The following NEURL1B variants were observed in gnomAD, a reference collection of about 807,000 sequenced individuals.
The protein encoded by NEURL1B is E3 ubiquitin-protein ligase NEURL1B.
A neutral mutation model predicts 37.4 loss-of-function variants in NEURL1B; 13 were observed. The ratio of observed to expected loss-of-function variants is 0.35; its 90% CI spans 0.23 to 0.55. The LOEUF is 0.55. NEURL1B is among the 20% of genes least tolerant of loss of function. NEURL1B has a pLI of 0.89. For synonymous variants in NEURL1B, 432 were observed against 426.6 expected, an observed-to-expected ratio of 1.01 and a Z score of -0.16; for missense variants, 790 against 879.2, an observed-to-expected ratio of 0.90 and a Z score of 1.28.
At chr5:172,680,214 C>G (rs886651699) in intron 2 of NEURL1B, among the ~76,000 whole-genome samples, 1 of 152,162 alleles carries the variant, frequency 6.6e-6, no homozygotes, top group Non-Finnish European at 1.5e-5. Flanking sequence ...GTGTTTACCA[C>G]TATCACTCTA....
intron 2 of NEURL1B, among the ~76,000 whole-genome samples, chr5:172,670,759 CCATT>C (rs1388064281): frequency 6.6e-6 from 1 of 152,222 alleles, no homozygotes; most frequent in African/African-American, 2.4e-5. Flanking sequence ...ACTCCTTCAC[CCATT>C]CATTCACACG....
intron 3 of NEURL1B, among the ~76,000 whole-genome samples, chr5:172,684,695 TAGGC>T (rs1758451102): frequency 6.6e-6 from 1 of 152,112 alleles, no homozygotes; most frequent in Admixed American, 6.5e-5. Flanking sequence ...ATGCCACAAA[TAGGC>T]AGGAGCAGCC....
At chr5:172,682,506 G>A (rs1049737662) in intron 2 of NEURL1B, among the ~76,000 whole-genome samples, 1 of 152,204 alleles carries the variant, frequency 6.6e-6, no homozygotes, top group African/African-American at 2.4e-5. Flanking sequence ...AACCCAGGAG[G>A]CAGAGGTTGC....
chr5:172,684,289 A>C (rs1758438608), intron 3 of NEURL1B, among the ~76,000 whole-genome samples, 151 bp downstream of exon 3: 2 of 150,546 alleles, frequency 1.3e-5, no homozygotes. Context: ...GCGCCCGGGC[A>C]CGATCCACCC....
chr5:172,649,974 G>A (rs1757631369), intron 1 of NEURL1B, among the ~76,000 whole-genome samples: 2 of 151,640 alleles, frequency 1.3e-5, no homozygotes, highest in Non-Finnish European at 2.9e-5. Flanking sequence ...GCAAGGGGGG[G>A]AAAGTTCTTT....
Position 172,675,617 on chromosome 5 carries a change from G to A in NEURL1B, c.577+5287G>A, listed in dbSNP as rs371785923. ...AGAGGAAGCTTCTGCCAGGCCATGC[G>A]CTCCCTTCCCTCCCTTCTCCCTGTG... On this transcript the variant is annotated intron_variant, in intron 2 of 4. Transcript: ENST00000369800. This position sits in a 1 kb window ranked among gnomAD's most constrained non-coding sequence, Gnocchi z 4.7. Among the ~76,000 whole-genome samples the A allele has an allele frequency of 1.3e-5, 2 of 151,332 alleles. No homozygotes were observed. The highest frequency in any genetic ancestry group is 1.3e-4 in the Admixed American group (2 of 15,218).
Position 172,686,399 on chromosome 5 carries a change from C to T in NEURL1B, c.1423+103C>T. 1 of 1,221,432 alleles carries T rather than the reference C, an allele frequency of 8.2e-7. No individual in the cohort carries two copies. The allele number at this position is 1,221,432 out of a possible 1,614,324, so 75.7% of individuals were successfully genotyped here. A position where few individuals can be genotyped will look rare whatever the true frequency, so the allele number is the denominator to read the frequency against. ...GGGACTGAGCAGGGTGGCCGCCTTT[C>T]CCCCGCATCCTCTCCTTCCCTCAGC... On this transcript the variant is annotated intron_variant, in intron 4 of 4. Coordinates refer to ENST00000369800, the MANE Select transcript of NEURL1B (RefSeq NM_001142651.3). This position sits in a 1 kb window ranked among gnomAD's most constrained non-coding sequence, Gnocchi z 7.9.
rs570788679 is a variant in NEURL1B at position 172,655,640 on chromosome 5, C to G, written c.32-14145C>G. 3.9e-5 allele frequency among the ~76,000 whole-genome samples: 6 copies of G among 152,284 alleles called. No individual in the cohort carries two copies. In the East Asian group the frequency reaches 9.6e-4, roughly 24 times the overall value. On this transcript the variant is annotated intron_variant, in intron 1 of 4. Coordinates refer to ENST00000369800, the MANE Select transcript of NEURL1B (RefSeq NM_001142651.3). ...GATCACCAAGGAAGTATTTTACCGGCTTCCACGGCTGCTGCTTCCTTGGTC... is the reference window on the plus strand; with the variant it reads ...GATCACCAAGGAAGTATTTTACCGGGTTCCACGGCTGCTGCTTCCTTGGTC...
chr5:172,674,556 C>A (rs1758192078), intron 2 of NEURL1B, among the ~76,000 whole-genome samples: 1 of 152,142 alleles, frequency 6.6e-6, no homozygotes, highest in East Asian at 1.9e-4. Flanking sequence ...TTGACAATCC[C>A]ACTTCCCAGG....
Position 172,683,950 on chromosome 5 carries a change from TG to T in NEURL1B, c.1111del (p.Val371TrpfsTer89). 1 of 1,358,714 alleles carries T rather than the reference TG, an allele frequency of 7.4e-7. No individual in the cohort carries two copies. The highest frequency in any genetic ancestry group is 9.5e-7 in the Non-Finnish European group (1 of 1,050,928). The allele number at this position is 1,358,714 out of a possible 1,614,324, so 84.2% of individuals were successfully genotyped here. ...CTGCTCGACCGCAAAGAGTACTGGG[TG>T]GTGGCGCGCGCCGGGCCCGTGCCGA... is the stretch of plus-strand genomic sequence containing the variant. Reference protein sequence around the residue: ...DALLDRKEYWVVARAGPVPSG... With the variant: ...DALLDRKEYWXVARAGPVPSG... On this transcript the variant is annotated frameshift_variant, in exon 3 of 5. Coordinates refer to ENST00000369800, the MANE Select transcript of NEURL1B (RefSeq NM_001142651.3). LOFTEE classifies it high-confidence loss of function. The surrounding 1 kb of genome is among the most constrained non-coding windows in gnomAD (Gnocchi z 5.6).
chr5:172,656,431 C>A (rs1415215691), intron 1 of NEURL1B: 2 of 965,014 alleles, frequency 2.1e-6, no homozygotes, highest in African/African-American at 3.3e-5. Flanking sequence ...TCCAGCTATA[C>A]GTGGCAAAAG....
rs992666463 is a variant in NEURL1B at position 172,663,291 on chromosome 5, G to A, written c.32-6494G>A. Among the ~76,000 whole-genome samples the A allele has an allele frequency of 2.6e-5, 4 of 152,174 alleles. No homozygotes were observed. The East Asian group carries it at 7.7e-4, about 29-fold the overall frequency. The stretch of plus-strand genomic sequence containing the variant: ...CAATCCCAGCACTTTGGGAGGCTGA[G>A]GCAGGTGGATCACAAGGTCAGGAGT... On this transcript the variant is annotated intron_variant, in intron 1 of 4. Transcript: ENST00000369800.
Position 172,687,174 on chromosome 5 carries a change from C to G in NEURL1B, c.*249C>G, listed in dbSNP as rs148148485. 1.2e-5 allele frequency: 6 copies of G among 484,730 alleles called. No individual in the cohort carries two copies. The highest frequency in any genetic ancestry group is 7.7e-5 in the African/African-American group (4 of 51,910). 30.0% of individuals were successfully genotyped at this position (484,730 alleles called of 1,614,324 possible). The stretch of plus-strand genomic sequence containing the variant: ...CTCAGGAACTGCCTGGCAGATCACC[C>G]TGTCCCTTGGTGACCTTTCAACTGG... On this transcript the variant is annotated 3_prime_UTR_variant, in exon 5 of 5. Transcript: ENST00000369800.
rs537184856 is a variant in NEURL1B, at chr5:172,660,161, C to G, written c.32-9624C>G. On this transcript the variant is annotated intron_variant, in intron 1 of 4. Transcript: ENST00000369800. ...CCCCACCTCTCACTGCAGTGGGGCC[C>G]TAGCCCTGGGAGCCGGCGCCTCTGA... 2.0e-5 allele frequency among the ~76,000 whole-genome samples: 3 copies of G among 152,358 alleles called. No individual in the cohort carries two copies. In the South Asian group the frequency reaches 6.2e-4, roughly 32 times the overall value.
chr5:172,655,278 C>T (rs1757749886), intron 1 of NEURL1B, among the ~76,000 whole-genome samples: 1 of 151,964 alleles, frequency 6.6e-6, no homozygotes, highest in South Asian at 2.1e-4. Context: ...CCTTGCCTGC[C>T]CTGGAAGGCT....
intron 1 of NEURL1B, among the ~76,000 whole-genome samples, chr5:172,658,433 G>A (rs1757834557): frequency 6.6e-6 from 1 of 152,102 alleles, no homozygotes; most frequent in East Asian, 1.9e-4. Flanking sequence ...GCCCTGCGTG[G>A]TGAGTGAGGG....
rs529185590 is a variant in NEURL1B at position 172,675,443 on chromosome 5, T to C, written c.577+5113T>C. ...TGCTCTATGCTTGTTTAATGGTCTC[T>C]GGGGTACAGATCAGGAGGGGCTTGC... On this transcript the variant is annotated intron_variant, in intron 2 of 4. Coordinates refer to ENST00000369800, the MANE Select transcript of NEURL1B (RefSeq NM_001142651.3). The surrounding 1 kb of genome is among the most constrained non-coding windows in gnomAD (Gnocchi z 4.7). 7.2e-5 allele frequency among the ~76,000 whole-genome samples: 11 copies of C among 152,242 alleles called. No individual in the cohort carries two copies. Among genetic ancestry groups the C allele is most frequent in the African/African-American group, 2.6e-4 (11 of 41,560 alleles).
At chr5:172,680,968 G>A (rs182235849) in intron 2 of NEURL1B, among the ~76,000 whole-genome samples, 7 of 152,186 alleles carry the variant, frequency 4.6e-5, no homozygotes, top group Non-Finnish European at 7.3e-5. Flanking sequence ...TCTTGGTTCC[G>A]CAGGCTGTAC....
At chr5:172,684,187 G>A in intron 3 of NEURL1B, 49 bp downstream of exon 3, 10 of 893,100 alleles carry the variant, frequency 1.1e-5, no homozygotes, top group Non-Finnish European at 1.3e-5. Context: ...CCCCCGTCCC[G>A]TGCCGTCTCA....
Sources: allele counts gnomAD v4.1 joint callset (sites outside exome capture counted in the v4.1 genomes callset), GRCh38; gene constraint gnomAD v4.1.1; non-coding constraint Gnocchi (gnomAD v3.1); transcripts MANE v1.5; gene names NCBI Gene and HGNC (gene_info 2026-07-23, HGNC 2026-07-21).